SLC38A12: variants seen among roughly 807,000 people sequenced by gnomAD.
SLC38A12 encodes solute carrier family 38 member 12, also known as putative sodium-coupled neutral amino acid transporter 12.
chr17:74,780,033 C>T, the SLC38A12 span, among the ~76,000 whole-genome samples: 1 of 152,162 alleles, frequency 6.6e-6, no homozygotes, highest in Admixed American at 6.5e-5. Context: ...GAGAGTGACA[C>T]AGAACTGAAG....
At chr17:74,797,549 G>C in the SLC38A12 span, among the ~76,000 whole-genome samples, 1 of 152,312 alleles carries the variant, frequency 6.6e-6, no homozygotes, top group South Asian at 2.1e-4. Flanking sequence ...GTTTGCATGG[G>C]CTCTTCTACC....
the SLC38A12 span, among the ~76,000 whole-genome samples, chr17:74,821,605 TTCCTA>T: frequency 6.6e-6 from 1 of 152,222 alleles, no homozygotes; most frequent in Non-Finnish European, 1.5e-5. Context: ...CCGTCCACCC[TTCCTA>T]TTTCTCTGCT....
the SLC38A12 span, chr17:74,837,023 C>CTGCACAA: frequency 9.1e-7 from 1 of 1,104,846 alleles, no homozygotes. Context: ...GGGCTACTCC[C>CTGCACAA]TGCACAATGG....
the SLC38A12 span, chr17:74,791,121 A>T: frequency 8.2e-7 from 1 of 1,220,410 alleles, no homozygotes; most frequent in African/African-American, 1.5e-5. Context: ...TGAGGGCTCC[A>T]CCCTGACAGC....
chr17:74,830,210 C>T, the SLC38A12 span, among the ~76,000 whole-genome samples: 6 of 152,356 alleles, frequency 3.9e-5, no homozygotes, highest in Middle Eastern at 0.01. Context: ...GGCCCAGTCA[C>T]GGCTTCATCC....
the SLC38A12 span, among the ~76,000 whole-genome samples, chr17:74,809,157 G>A: frequency 1.1e-4 from 17 of 152,210 alleles, no homozygotes; most frequent in Non-Finnish European, 2.9e-5. Context: ...GGGGTACGGG[G>A]TATTCAGAGG....
At chr17:74,786,503 T>C in the SLC38A12 span, among the ~76,000 whole-genome samples, 1 of 151,918 alleles carries the variant, frequency 6.6e-6, no homozygotes, top group Non-Finnish European at 1.5e-5. Flanking sequence ...AGATAATAAA[T>C]GGGTAAATGG....
the SLC38A12 span, among the ~76,000 whole-genome samples, chr17:74,788,155 A>T: frequency 1.3e-5 from 2 of 152,200 alleles, no homozygotes; most frequent in Non-Finnish European, 2.9e-5. Flanking sequence ...CTTCTTGGCA[A>T]GCGTCTAATG....
chr17:74,798,937 G>A, the SLC38A12 span, among the ~76,000 whole-genome samples: 1 of 152,210 alleles, frequency 6.6e-6, no homozygotes, highest in Non-Finnish European at 1.5e-5. Context: ...AAGGAGCCAG[G>A]GACCCCTGGT....
At chr17:74,836,535 A>G in the SLC38A12 span, 15 of 1,613,052 alleles carry the variant, frequency 9.3e-6, no homozygotes, top group Non-Finnish European at 1.2e-5. The surrounding 1 kb of genome is among the most constrained non-coding windows in gnomAD (Gnocchi z 4.2). Flanking sequence ...CCACTGCCGC[A>G]GGGACACCCA....
At chr17:74,824,710 T>C in the SLC38A12 span, among the ~76,000 whole-genome samples, 1 of 152,182 alleles carries the variant, frequency 6.6e-6, no homozygotes, top group Non-Finnish European at 1.5e-5. Context: ...GAGCAGACGC[T>C]GCACACGCTC....
At chr17:74,839,294 G>A in the SLC38A12 span, 199 of 987,214 alleles carry the variant, frequency 2.0e-4, 2 homozygotes, top group Middle Eastern at 2.3e-3. Flanking sequence ...GAGCAGCCTC[G>A]GCAACAGGCA....
chr17:74,820,224 G>C, the SLC38A12 span, among the ~76,000 whole-genome samples: 2 of 152,248 alleles, frequency 1.3e-5, no homozygotes, highest in African/African-American at 2.4e-5. Flanking sequence ...GTGCCCTGCA[G>C]GGCACGAGAG....
the SLC38A12 span, among the ~76,000 whole-genome samples, chr17:74,787,349 G>A: frequency 0.046 from 6,465 of 141,508 alleles, 216 homozygotes; most frequent in Non-Finnish European, 0.061. Flanking sequence ...TGGGCCGGGC[G>A]CGGTGGCTCA....
chr17:74,816,273 GC>G, the SLC38A12 span, among the ~76,000 whole-genome samples: 1 of 152,200 alleles, frequency 6.6e-6, no homozygotes, highest in South Asian at 2.1e-4. Context: ...GTGGTTTGAA[GC>G]CCCCCAGTTT....
chr17:74,781,672 A>G, the SLC38A12 span, among the ~76,000 whole-genome samples: 1 of 152,134 alleles, frequency 6.6e-6, no homozygotes, highest in African/African-American at 2.4e-5. Flanking sequence ...TTTTCCCTTC[A>G]TAAGTATTAC....
At chr17:74,830,885 G>T in the SLC38A12 span, among the ~76,000 whole-genome samples, 2 of 152,346 alleles carry the variant, frequency 1.3e-5, no homozygotes, top group African/African-American at 2.4e-5. Context: ...CGAGGCCTGC[G>T]TGTGGAGCTG....
chr17:74,819,785 C>T, the SLC38A12 span: 1 of 1,614,268 alleles, frequency 6.2e-7, no homozygotes, highest in Non-Finnish European at 8.5e-7. Context: ...CGTTCACCTT[C>T]TTTGACGTCC....
At chr17:74,835,967 G>A in the SLC38A12 span, 1 of 1,611,338 alleles carries the variant, frequency 6.2e-7, no homozygotes, top group Admixed American at 1.7e-5. Context: ...TCCGCATCGG[G>A]CACGGACAAG....
Sources: allele counts gnomAD v4.1 joint callset (sites outside exome capture counted in the v4.1 genomes callset), GRCh38; gene constraint gnomAD v4.1.1; non-coding constraint Gnocchi (gnomAD v3.1); transcripts MANE v1.5; gene names NCBI Gene and HGNC (gene_info 2026-07-23, HGNC 2026-07-21).